DEAF1: variants seen among roughly 807,000 people sequenced by gnomAD.
DEAF1 encodes the protein DEAF1 transcription factor.
A neutral mutation model predicts 58.9 loss-of-function variants in DEAF1; 53 were observed. The observed-to-expected ratio is 0.90, with a 90% CI of 0.72 to 1.13. DEAF1 has a LOEUF of 1.13. DEAF1 is among the 50% of genes most tolerant of loss of function. The pLI, the probability that DEAF1 is intolerant of heterozygous loss-of-function variation, is 0.00. For synonymous variants in DEAF1, 385 were observed against 340.4 expected (o/e 1.13, Z -1.44); for missense variants, 685 against 791.4 (o/e 0.87, Z 1.61).
intron 10 of DEAF1, chr11:674,047 C>T (rs1859946076): frequency 4.0e-6 from 1 of 251,460 alleles, no homozygotes; most frequent in Non-Finnish European, 7.8e-6. Flanking sequence ...GAGCCTCCCA[C>T]CATGCACAGG....
chr11:676,003 C>G (rs533694251), intron 9 of DEAF1, among the ~76,000 whole-genome samples: 7 of 21,714 alleles, frequency 3.2e-4, no homozygotes, highest in Admixed American at 1.3e-3. Context: ...CTGGCACCCC[C>G]CGGCACCCGA....
upstream of DEAF1, chr11:698,905 C>T: frequency 6.2e-7 from 1 of 1,614,028 alleles, no homozygotes; most frequent in Non-Finnish European, 8.5e-7. Context: ...TGCTGCGTGC[C>T]CCTCCAGGAC....
intron 11 of DEAF1, among the ~76,000 whole-genome samples, chr11:653,049 A>AC (rs1858853639): frequency 7.6e-6 from 1 of 131,320 alleles, no homozygotes; most frequent in African/African-American, 2.9e-5. Context: ...GCACCACTGC[A>AC]CTCCAGCCTG....
At chr11:680,884 G>A (rs1860329713) in intron 7 of DEAF1, 79 bp downstream of exon 7, 3 of 1,588,684 alleles carry the variant, frequency 1.9e-6, no homozygotes, top group Non-Finnish European at 2.6e-6. Flanking sequence ...ATCCCGCAGT[G>A]GCCGTGGGAG....
chr11:644,410 A>T lies in DEAF1; in HGVS notation c.*140T>A. The T allele has an allele frequency of 2.8e-6, 2 of 724,074 alleles. No individual in the cohort carries two copies. Among genetic ancestry groups the T allele is most frequent in the Non-Finnish European group, 4.9e-6 (2 of 409,906 alleles). 44.9% of individuals were successfully genotyped at this position (724,074 alleles called of 1,614,324 possible). A position where few individuals can be genotyped will look rare whatever the true frequency, so the allele number is the denominator to read the frequency against. The stretch of plus-strand genomic sequence containing the variant: ...GGGCACCATTCGCTTAAAGTGTGTT[A>T]ATGACTTGTCCAGCAAGTTTCTTTA... On this transcript the variant is annotated 3_prime_UTR_variant, in exon 12 of 12. Transcript: ENST00000382409. This position sits in a 1 kb window ranked among gnomAD's most constrained non-coding sequence, Gnocchi z 4.3.
At chr11:648,468 T>G (rs934233695) in intron 11 of DEAF1, among the ~76,000 whole-genome samples, 3 of 152,166 alleles carry the variant, frequency 2.0e-5, no homozygotes, top group Non-Finnish European at 4.4e-5. Flanking sequence ...GTGCTGGGAT[T>G]ACAGGCGTGA....
chr11:703,448 A>G, intron 1 of DEAF1: 1 of 1,281,234 alleles, frequency 7.8e-7, no homozygotes, highest in Non-Finnish European at 9.8e-7. Flanking sequence ...TGGCTTTAGC[A>G]GCCAGGCCTC....
In DEAF1 at chr11:682,917, G is replaced by A. The variant is rs541724166; in HGVS notation, c.871-1828C>T. ...ATACCATATCCCTTGACCGGGAACT[G>A]CAAGGAGTGGGAACCGTTTTCTTGG... On this transcript the variant is annotated intron_variant, in intron 6 of 11. Coordinates refer to ENST00000382409, the MANE Select transcript of DEAF1 (RefSeq NM_021008.4). Among the ~76,000 whole-genome samples the A allele has an allele frequency of 5.3e-4, 80 of 152,240 alleles. 2 individuals carry two copies. The highest frequency in any genetic ancestry group is 8.8e-5 in the Non-Finnish European group (6 of 68,016).
intron 11 of DEAF1, among the ~76,000 whole-genome samples, chr11:653,074 A>T: frequency 8.8e-6 from 1 of 113,846 alleles, no homozygotes; most frequent in Admixed American, 1.2e-4. Flanking sequence ...ACAGAATGAG[A>T]CTCTGTCTCA....
chr11:704,974 T>C (rs759991853), intron 1 of DEAF1: 1 of 300,550 alleles, frequency 3.3e-6, no homozygotes, highest in Non-Finnish European at 6.5e-6. Flanking sequence ...AGCTCATGCA[T>C]GGAGCAGGAT....
intron 5 of DEAF1, among the ~76,000 whole-genome samples, chr11:685,298 G>A (rs915530791): frequency 2.6e-5 from 4 of 151,876 alleles, no homozygotes; most frequent in Non-Finnish European, 5.9e-5. Context: ...TGACCAGGCT[G>A]GTCTCGAACT....
At chr11:695,503 C>T (rs929851471), upstream of DEAF1, 10 of 918,380 alleles carry the variant, frequency 1.1e-5, no homozygotes, top group African/African-American at 1.7e-5. Context: ...GCAATTCTGC[C>T]TCTCAGAGAG....
intron 4 of DEAF1, 90 bp from the exon 5 acceptor site, chr11:687,087 C>T (rs1860626313): frequency 1.3e-6 from 2 of 1,578,510 alleles, no homozygotes; most frequent in Middle Eastern, 2.3e-4. Flanking sequence ...AACCCCTCCA[C>T]CAGCACCAGC....
At chr11:704,155 C>A (rs1450406509) in intron 1 of DEAF1, 7 of 1,107,060 alleles carry the variant, frequency 6.3e-6, no homozygotes, top group East Asian at 6.9e-5. Context: ...CCACCTCCCC[C>A]ACCCCATCTC....
Position 654,164 on chromosome 11 carries a change from C to CT in DEAF1, c.1504-114_1504-113insA, listed in dbSNP as rs1564925638. On this transcript the variant is annotated intron_variant, in intron 10 of 11. Transcript: ENST00000382409. ...GCCCCAAGTTCCCCCCATTGGACCCCCTTTTTTTTTTTTTTTTTTTTTGAG... is the reference window on the plus strand; with the variant it reads ...GCCCCAAGTTCCCCCCATTGGACCCCTCTTTTTTTTTTTTTTTTTTTTTGAG... 5.5e-4 allele frequency: 287 copies of CT among 523,402 alleles called. No individual in the cohort carries two copies. The African/African-American group carries it at 0.013, about 23-fold the overall frequency. The allele number at this position is 523,402 out of a possible 1,614,324, so 32.4% of individuals were successfully genotyped here.
chr11:684,807 G>A (rs1184551092), intron 6 of DEAF1, 91 bp downstream of exon 6: 3 of 1,130,868 alleles, frequency 2.7e-6, no homozygotes, highest in Non-Finnish European at 3.9e-6. Context: ...AGGGCAGGAG[G>A]GAAACAGCCG....
chr11:651,864 C>T (rs750879451), intron 11 of DEAF1, among the ~76,000 whole-genome samples: 1 of 152,052 alleles, frequency 6.6e-6, no homozygotes, highest in African/African-American at 2.4e-5. Context: ...CCAGCCTGGG[C>T]GACAGAGCGA....
intron 10 of DEAF1, among the ~76,000 whole-genome samples, chr11:669,961 A>T (rs1225241703): frequency 2.8e-5 from 4 of 145,142 alleles, no homozygotes; most frequent in Non-Finnish European, 6.1e-5. Flanking sequence ...AAGAAACCCC[A>T]TCTTTACAAA....
intron 9 of DEAF1, among the ~76,000 whole-genome samples, chr11:677,558 G>A (rs1341664445): frequency 9.3e-6 from 1 of 107,606 alleles, no homozygotes; most frequent in Non-Finnish European, 2.2e-5. Context: ...TCATGAACAA[G>A]TTTCTTGCGC....
Sources: gnomAD v4.1 joint callset for allele counts (sites outside exome capture counted in the v4.1 genomes callset) on GRCh38, gnomAD v4.1.1 for gene constraint, Gnocchi (gnomAD v3.1) non-coding constraint, MANE v1.5 for transcripts, NCBI Gene and HGNC (gene_info 2026-07-23, HGNC 2026-07-21) for gene names.